ZNF133: variants seen among roughly 807,000 people sequenced by gnomAD.
The protein encoded by ZNF133 is zinc finger protein 133 (clone pHZ-13).
In ZNF133, 26 loss-of-function variants were observed where a neutral mutation model predicts 54.9. The observed-to-expected ratio is 0.47, with a 90% CI of 0.35 to 0.66. The LOEUF is 0.66. ZNF133 is among the 30% of genes least tolerant of loss of function. The pLI, the probability that ZNF133 is intolerant of heterozygous loss-of-function variation, is 0.01. For synonymous variants in ZNF133, 298 were observed against 320.3 expected, an observed-to-expected ratio of 0.93 and a Z score of 0.74; for missense variants, 653 against 820.8, an observed-to-expected ratio of 0.80 and a Z score of 2.50.
rs1446309954 is a variant in ZNF133, at chr20:18,305,324, G to C, written c.-7+146G>C. 2.2e-5 allele frequency: 12 copies of C among 535,700 alleles called. No homozygotes were observed. The highest frequency in any genetic ancestry group is 3.0e-5 in the Non-Finnish European group (12 of 398,980). 33.2% of individuals were successfully genotyped at this position (535,700 alleles called of 1,614,324 possible). On this transcript the variant is annotated intron_variant, in intron 4 of 6. Transcript: ENST00000425686. This position sits in a 1 kb window ranked among gnomAD's most constrained non-coding sequence, Gnocchi z 4.7. The stretch of plus-strand genomic sequence containing the variant: ...TTTTGAGGAATTACTGAGTTATAGT[G>C]GACTATTTGATCTTTTAAATTCTTA...
intron 3 of ZNF133, among the ~76,000 whole-genome samples, chr20:18,304,341 G>T (rs898012874): frequency 6.6e-6 from 1 of 152,182 alleles, no homozygotes; most frequent in Non-Finnish European, 1.5e-5. Context: ...CAGCTGCTGT[G>T]GAAAACAGTG....
chr20:18,311,831 A>G (rs1316229203), intron 6 of ZNF133, among the ~76,000 whole-genome samples: 1 of 152,216 alleles, frequency 6.6e-6, no homozygotes, highest in Admixed American at 6.5e-5. Context: ...AGATTCACGT[A>G]ATTTCTGGCA....
In ZNF133 at chr20:18,315,782, T is replaced by A. The variant is rs2047322956; in HGVS notation, c.931T>A (p.Ser311Thr). 6.2e-7 allele frequency: 1 copy of A among 1,611,252 alleles called. No individual in the cohort carries two copies. The highest frequency in any genetic ancestry group is 8.5e-7 in the Non-Finnish European group (1 of 1,179,170). ...GTGTGGGCGAGGCTTCAGCCAGAAGTCAAACCTCATCATACACCAGAGGAC... is the reference window on the plus strand; with the variant it reads ...GTGTGGGCGAGGCTTCAGCCAGAAGACAAACCTCATCATACACCAGAGGAC... ...SECGRGFSQK[S>T]NLIIHQRTHS... is the part of the protein sequence containing the mutation. Residue 311 changes from serine (S) to threonine (T), a missense_variant, in exon 7 of 7, where the codon TCA (serine) becomes ACA (threonine). Physicochemically the swap from Ser to Thr is moderately conservative, Grantham distance 58. This residue lies in a region of ZNF133 where 292 missense variants were observed against 431.6 expected (regional missense o/e 0.68). Transcript: ENST00000425686.
intron 1 of ZNF133, among the ~76,000 whole-genome samples, chr20:18,289,675 GT>G (rs1370179094): frequency 2.0e-5 from 3 of 152,192 alleles, no homozygotes; most frequent in Admixed American, 6.5e-5. Flanking sequence ...GTATTGGGTT[GT>G]TGAAAGGATA....
Position 18,315,178 on chromosome 20 carries a change from A to G in ZNF133, c.327A>G (p.Thr109=). 2 of 1,613,426 alleles carry G rather than the reference A, an allele frequency of 1.2e-6. No homozygotes were observed. Among genetic ancestry groups the G allele is most frequent in the Admixed American group, 3.3e-5 (2 of 59,944 alleles). ...GTAATCATCCCCCCTGGATCTTCAC[A>G]TGCTTGTGTGCAGAAGGTAACATCC... ...VLCNHPPWIF[T]CLCAEGNIQP... The change falls in exon 7 of 7, where the codon ACA becomes ACG. Residue 109 remains threonine, a synonymous_variant. Coordinates refer to ENST00000425686, the MANE Select transcript of ZNF133 (RefSeq NM_001352452.2).
chr20:18,290,942 C>A (rs2040833285), intron 1 of ZNF133, among the ~76,000 whole-genome samples: 1 of 152,190 alleles, frequency 6.6e-6, no homozygotes, highest in African/African-American at 2.4e-5. Context: ...GCCTGGCCAA[C>A]ATGGTGAAAC....
chr20:18,309,473 A>T (rs182495544), intron 6 of ZNF133, among the ~76,000 whole-genome samples: 1 of 152,336 alleles, frequency 6.6e-6, no homozygotes, highest in African/African-American at 2.4e-5. Flanking sequence ...ATGGTGCTTG[A>T]GCAAAGTGAG....
intron 6 of ZNF133, among the ~76,000 whole-genome samples, chr20:18,311,529 CAT>C (rs1292071421): frequency 6.6e-6 from 1 of 152,072 alleles, no homozygotes; most frequent in Non-Finnish European, 1.5e-5. Flanking sequence ...AATAATTGTA[CAT>C]GTTTTTAAGC....
At chr20:18,301,902 C>T (rs1338821666) in intron 3 of ZNF133, among the ~76,000 whole-genome samples, 2 of 152,102 alleles carry the variant, frequency 1.3e-5, no homozygotes, top group East Asian at 3.9e-4. Flanking sequence ...GGAATACTGC[C>T]TGACTCATTC....
At chr20:18,299,663 AG>A (rs1266863952) in intron 3 of ZNF133, among the ~76,000 whole-genome samples, 1 of 152,210 alleles carries the variant, frequency 6.6e-6, no homozygotes, top group Non-Finnish European at 1.5e-5. Flanking sequence ...CAAAAGCCAA[AG>A]GTAACAGAGG....
intron 1 of ZNF133, among the ~76,000 whole-genome samples, chr20:18,294,605 A>C (rs139838133): frequency 2.3e-5 from 3 of 132,198 alleles, no homozygotes; most frequent in African/African-American, 8.3e-5. Context: ...GTAAGTCTAA[A>C]ATTTGTTACA....
intron 1 of ZNF133, among the ~76,000 whole-genome samples, chr20:18,294,109 G>C (rs1489282271): frequency 6.6e-6 from 1 of 152,136 alleles, no homozygotes; most frequent in Non-Finnish European, 1.5e-5. Flanking sequence ...TTACAATGGA[G>C]AAGCTCAGAA....
Position 18,315,347 on chromosome 20 carries a change from T to C in ZNF133, c.496T>C (p.Phe166Leu), listed in dbSNP as rs1181504880. Residue 166 changes from phenylalanine (F) to leucine (L), a missense_variant, in exon 7 of 7, where the codon TTC becomes CTC. Coordinates refer to ENST00000425686, the MANE Select transcript of ZNF133 (RefSeq NM_001352452.2). ...AACCAAGAAAAGGACTCTGGGAGCG[T>C]TCTCCAGGCCACCCCAGAGGCAGCC... ...GRTKKRTLGA[F>L]SRPPQRQPVS... The C allele has an allele frequency of 6.2e-7, 1 of 1,614,072 alleles. No individual in the cohort carries two copies. The highest frequency in any genetic ancestry group is 1.7e-5 in the Admixed American group (1 of 60,010).
At chr20:18,298,799 C>T (rs188741710) in intron 3 of ZNF133, among the ~76,000 whole-genome samples, 51 of 152,042 alleles carry the variant, frequency 3.4e-4, no homozygotes, top group Admixed American at 1.1e-3. Context: ...CCTTTGAGAG[C>T]GAAATATTTG....
chr20:18,314,851 A>G, intron 6 of ZNF133: 1 of 440,092 alleles, frequency 2.3e-6, no homozygotes, highest in Non-Finnish European at 4.0e-6. Flanking sequence ...ATGCTTGTGT[A>G]GTCTTATATG....
intron 6 of ZNF133, among the ~76,000 whole-genome samples, chr20:18,308,226 GT>G (rs1201720529): frequency 6.6e-6 from 1 of 152,104 alleles, no homozygotes; most frequent in African/African-American, 2.4e-5. Context: ...TCTTTTGACA[GT>G]TTTATAAATG....
At chr20:18,309,044 C>G (rs1209354745) in intron 6 of ZNF133, among the ~76,000 whole-genome samples, 1 of 152,242 alleles carries the variant, frequency 6.6e-6, no homozygotes, top group African/African-American at 2.4e-5. Flanking sequence ...CCTGAACTTA[C>G]AGATGGCCAC....
intron 3 of ZNF133, among the ~76,000 whole-genome samples, chr20:18,304,534 A>G (rs932835405): frequency 2.0e-5 from 3 of 152,258 alleles, no homozygotes; most frequent in East Asian, 1.9e-4. Context: ...TATACACACA[A>G]TGGAGTATTA....
At position 18,315,366 on chromosome 20, in the gene ZNF133, G is replaced by A. The variant is rs769475603; in HGVS notation, c.515G>A (p.Arg172Lys). 1.9e-6 allele frequency: 3 copies of A among 1,614,220 alleles called. No homozygotes were observed. The highest frequency in any genetic ancestry group is 2.2e-5 in the South Asian group (2 of 91,088). The change falls in exon 7 of 7, where the codon AGG becomes AAG. Residue 172 changes from arginine to lysine, a missense_variant. Arg to Lys is a conservative substitution (Grantham distance 26). Around this residue, in one of 4 missense-constraint regions of ZNF133, gnomAD observed 227 missense variants for 233.9 expected, o/e 0.97. Transcript: ENST00000425686. The part of the protein sequence containing the change: ...TLGAFSRPPQ[R>K]QPVSSRNGLR... ...GGAGCGTTCTCCAGGCCACCCCAGA[G>A]GCAGCCAGTCAGCTCTCGGAACGGC...
Sources: allele counts gnomAD v4.1 joint callset (sites outside exome capture counted in the v4.1 genomes callset), GRCh38; gene constraint gnomAD v4.1.1; regional missense constraint gnomAD v4.1.1; non-coding constraint Gnocchi (gnomAD v3.1); transcripts MANE v1.5; gene names NCBI Gene and HGNC (gene_info 2026-07-23, HGNC 2026-07-21).